IQCJ: variants seen among roughly 807,000 people sequenced by gnomAD.
IQCJ encodes IQ motif containing J.
A neutral mutation model predicts 11.0 loss-of-function variants in IQCJ; 9 were observed. That is an observed-to-expected ratio of 0.82 (90% CI 0.49 to 1.43). The LOEUF (loss-of-function observed/expected upper bound fraction) is 1.43, where lower values mean the gene tolerates loss of function less well. IQCJ is among the 40% of genes most tolerant of loss of function. The pLI is 0.00. For synonymous variants in IQCJ, 55 were observed against 51.3 expected (o/e 1.07, Z -0.31); for missense variants, 146 against 133.2 (o/e 1.10, Z -0.47).
intron 1 of IQCJ, among the ~76,000 whole-genome samples, chr3:159,206,893 T>C (rs1724686266): frequency 6.6e-6 from 1 of 152,222 alleles, no homozygotes; most frequent in African/African-American, 2.4e-5. Flanking sequence ...TTTTCTAGTT[T>C]AGATCTTTCA....
chr3:159,147,749 A>G (rs1360622982), intron 1 of IQCJ, among the ~76,000 whole-genome samples: 1 of 152,216 alleles, frequency 6.6e-6, no homozygotes. Context: ...TGAACTCTGT[A>G]TGGTCATCTT....
chr3:159,080,590 G>A (rs1031847258), intron 1 of IQCJ, among the ~76,000 whole-genome samples: 1 of 152,136 alleles, frequency 6.6e-6, no homozygotes, highest in Non-Finnish European at 1.5e-5. Flanking sequence ...GGATTAATTA[G>A]GGGAAGAGAA....
intron 1 of IQCJ, among the ~76,000 whole-genome samples, chr3:159,086,962 G>C (rs373823149): frequency 6.6e-6 from 1 of 152,158 alleles, no homozygotes; most frequent in Admixed American, 6.5e-5. Context: ...ATGTTGAATA[G>C]GAGTGGTGAG....
intron 1 of IQCJ, among the ~76,000 whole-genome samples, chr3:159,145,497 A>C (rs1386937078): frequency 6.6e-6 from 1 of 152,144 alleles, no homozygotes; most frequent in Non-Finnish European, 1.5e-5. Flanking sequence ...TTTTCACAGG[A>C]ATAATGAGTG....
At chr3:159,075,185 A>T (rs1468865487) in intron 1 of IQCJ, among the ~76,000 whole-genome samples, 2 of 152,166 alleles carry the variant, frequency 1.3e-5, no homozygotes, top group Non-Finnish European at 2.9e-5. Flanking sequence ...GGAATTTGCA[A>T]TGCAATATGA....
intron 1 of IQCJ, among the ~76,000 whole-genome samples, chr3:159,224,539 C>G (rs1725730745): frequency 6.6e-6 from 1 of 152,086 alleles, no homozygotes; most frequent in Non-Finnish European, 1.5e-5. Flanking sequence ...AACATAGAAC[C>G]ATTTTCAATC....
intron 1 of IQCJ, among the ~76,000 whole-genome samples, chr3:159,181,377 AGTCTAGCCATTCACTTGGTTTTAACTT>A (rs1723081261): frequency 6.9e-6 from 1 of 145,462 alleles, no homozygotes; most frequent in South Asian, 2.3e-4. Context: ...CTGGGCAGGA[AGTCTAGCCATTCACTTGGTTTTAACTT>A]GTTAAAACCA....
chr3:159,164,776 C>A (rs977865483), intron 1 of IQCJ, among the ~76,000 whole-genome samples: 2 of 151,990 alleles, frequency 1.3e-5, no homozygotes, highest in East Asian at 1.9e-4. Flanking sequence ...CCCTCCCCCC[C>A]AAAAAAGAGG....
At chr3:159,254,293 A>G (rs543394409) in intron 3 of IQCJ, among the ~76,000 whole-genome samples, 3 of 152,254 alleles carry the variant, frequency 2.0e-5, no homozygotes, top group East Asian at 1.9e-4. Flanking sequence ...TTCAATATGT[A>G]GGGGCTGTGG....
At chr3:159,096,257 G>A (rs1717742610) in intron 1 of IQCJ, among the ~76,000 whole-genome samples, 3 of 147,404 alleles carry the variant, frequency 2.0e-5, no homozygotes, top group Non-Finnish European at 4.5e-5. Flanking sequence ...TGTAGATTCT[G>A]GATATTAGCC....
chr3:159,210,545 T>C (rs80284051), intron 1 of IQCJ, among the ~76,000 whole-genome samples: 1 of 152,326 alleles, frequency 6.6e-6, no homozygotes, highest in African/African-American at 2.4e-5. Flanking sequence ...GGTACTCATA[T>C]CCCTGTGTGT....
At chr3:159,218,215 A>T (rs925499054) in intron 1 of IQCJ, among the ~76,000 whole-genome samples, 1 of 152,098 alleles carries the variant, frequency 6.6e-6, no homozygotes, top group Non-Finnish European at 1.5e-5. Context: ...TGAATATTCA[A>T]GGTCAAACAG....
intron 1 of IQCJ, among the ~76,000 whole-genome samples, chr3:159,161,923 G>C (rs1321051590): frequency 6.6e-6 from 1 of 152,106 alleles, no homozygotes; most frequent in African/African-American, 2.4e-5. Flanking sequence ...ATGCTGTTTT[G>C]GTTACTGTAG....
chr3:159,248,798 C>A (rs1727423022), intron 2 of IQCJ, among the ~76,000 whole-genome samples: 2 of 152,092 alleles, frequency 1.3e-5, no homozygotes, highest in Non-Finnish European at 2.9e-5. Context: ...CAAGGACACA[C>A]TTTCTGTATG....
intron 1 of IQCJ, among the ~76,000 whole-genome samples, chr3:159,101,464 T>G (rs1158559813): frequency 6.6e-6 from 1 of 152,134 alleles, no homozygotes; most frequent in Non-Finnish European, 1.5e-5. Context: ...TGAACACTGG[T>G]GGTTGGTCCT....
At chr3:159,235,595 T>C (rs1726532943) in intron 1 of IQCJ, among the ~76,000 whole-genome samples, 1 of 152,178 alleles carries the variant, frequency 6.6e-6, no homozygotes, top group Admixed American at 6.6e-5. Flanking sequence ...GCTTGAATGA[T>C]CTAGCTGTAA....
At chr3:159,173,854 T>C (rs1722631904) in intron 1 of IQCJ, among the ~76,000 whole-genome samples, 1 of 152,206 alleles carries the variant, frequency 6.6e-6, no homozygotes, top group African/African-American at 2.4e-5. Context: ...TCTTTTTCCA[T>C]CTGAAGACTT....
intron 1 of IQCJ, among the ~76,000 whole-genome samples, chr3:159,167,532 T>C (rs1176001528): frequency 6.6e-6 from 1 of 152,228 alleles, no homozygotes; most frequent in African/African-American, 2.4e-5. Context: ...AATGTTGTCC[T>C]TTACAGATAA....
At chr3:159,133,950 C>T (rs991247350) in intron 1 of IQCJ, among the ~76,000 whole-genome samples, 3 of 151,624 alleles carry the variant, frequency 2.0e-5, no homozygotes, top group Non-Finnish European at 2.9e-5. Flanking sequence ...AAGGTATCCA[C>T]CAGGCTGTTT....
Sources: allele counts gnomAD v4.1 joint callset (sites outside exome capture counted in the v4.1 genomes callset), GRCh38; gene constraint gnomAD v4.1.1; transcripts MANE v1.5; gene names NCBI Gene and HGNC (gene_info 2026-07-23, HGNC 2026-07-21).